The following CDH4 variants were observed in gnomAD, a reference collection of about 807,000 sequenced individuals.
CDH4 encodes the protein cadherin-4.
A neutral mutation model predicts 86.0 loss-of-function variants in CDH4; 33 were observed. The observed-to-expected ratio is 0.38, with a 90% CI of 0.29 to 0.51. The LOEUF (loss-of-function observed/expected upper bound fraction) is 0.51, where lower values mean the gene tolerates loss of function less well. Among genes scored for constraint, CDH4 ranks in the 20% least tolerant of loss-of-function variants. The pLI, the probability that CDH4 is intolerant of heterozygous loss-of-function variation, is 0.86. For missense variants in CDH4, 1,114 were observed against 1,307.4 expected (o/e 0.85, Z 2.28); for synonymous variants, 555 against 549.4 (o/e 1.01, Z -0.14).
intron 2 of CDH4, chr20:61,437,568 C>T (rs548553746): frequency 6.6e-6 from 1 of 152,172 alleles, no homozygotes; most frequent in East Asian, 1.9e-4. Context: ...CAGCACACAC[C>T]GCCCTCTCAG....
intron 3 of CDH4, among the ~76,000 whole-genome samples, chr20:61,758,278 G>C (rs1367472322): frequency 1.3e-5 from 2 of 152,190 alleles, no homozygotes; most frequent in Non-Finnish European, 2.9e-5. Flanking sequence ...GAGTGTTCCA[G>C]ACAGAGGGAA....
intron 2 of CDH4, among the ~76,000 whole-genome samples, chr20:61,466,918 C>T (rs754563244): frequency 2.0e-5 from 3 of 152,018 alleles, no homozygotes; most frequent in Non-Finnish European, 2.9e-5. Context: ...GTGGGGGCAA[C>T]CAAACTGTAA....
At position 61,792,896 on chromosome 20, in the gene CDH4, G is replaced by A. The variant is rs181909350; in HGVS notation, c.576+19714G>A. 5.7e-3 allele frequency among the ~76,000 whole-genome samples: 875 copies of A among 152,196 alleles called. 7 individuals are homozygous for A. The highest frequency in any genetic ancestry group is 0.02 in the African/African-American group (821 of 41,500). ...GAACTCCCGACCTTGTGATCCACCC[G>A]CCTCGGCCTCCCAAAGTGCTGGGAT... On this transcript the variant is annotated intron_variant, in intron 4 of 15. Coordinates refer to ENST00000614565, the MANE Select transcript of CDH4 (RefSeq NM_001794.5).
chr20:61,730,697 G>T (rs955494756), intron 2 of CDH4, among the ~76,000 whole-genome samples: 1 of 152,210 alleles, frequency 6.6e-6, no homozygotes, highest in Non-Finnish European at 1.5e-5. Flanking sequence ...TTGGAGCCAG[G>T]GTGAAGCCAG....
intron 2 of CDH4, among the ~76,000 whole-genome samples, chr20:61,584,044 C>T (rs571368676): frequency 1.1e-4 from 16 of 152,194 alleles, no homozygotes; most frequent in Non-Finnish European, 2.2e-4. Context: ...CCTGTAGTCT[C>T]AGCTACTTAG....
intron 2 of CDH4, among the ~76,000 whole-genome samples, chr20:61,573,471 G>A (rs1347105957): frequency 6.6e-6 from 1 of 152,242 alleles, no homozygotes; most frequent in Admixed American, 6.5e-5. Context: ...CCACCTGCCA[G>A]GGTGGCATCC....
chr20:61,857,173 C>T (rs1044639417), intron 6 of CDH4, among the ~76,000 whole-genome samples: 3 of 152,272 alleles, frequency 2.0e-5, no homozygotes, highest in Admixed American at 1.3e-4. Context: ...CTGTGGCACA[C>T]AACCGGGGGA....
chr20:61,836,024 C>T (rs2146088402), intron 4 of CDH4, among the ~76,000 whole-genome samples: 1 of 152,358 alleles, frequency 6.6e-6, no homozygotes, highest in Middle Eastern at 3.4e-3. Context: ...TCCCAGGGCT[C>T]TGGGTCTTGA....
At chr20:61,858,369 CTG>C (rs1247214510) in intron 6 of CDH4, among the ~76,000 whole-genome samples, 1 of 146,338 alleles carries the variant, frequency 6.8e-6, no homozygotes, top group South Asian at 2.2e-4. Flanking sequence ...GTGCGTGTCT[CTG>C]TGTCTGTATG....
chr20:61,358,188 C>G (rs2084763305), intron 2 of CDH4, among the ~76,000 whole-genome samples: 1 of 152,196 alleles, frequency 6.6e-6, no homozygotes, highest in Non-Finnish European at 1.5e-5. Flanking sequence ...ACAGAAACCT[C>G]GAAACCCCTC....
chr20:61,870,832 G>A (rs997266910), intron 6 of CDH4, among the ~76,000 whole-genome samples: 1 of 152,186 alleles, frequency 6.6e-6, no homozygotes, highest in African/African-American at 2.4e-5. Flanking sequence ...CTGGCTTGAT[G>A]AAGGCTGAAC....
At chr20:61,427,573 C>G (rs1350562980) in intron 2 of CDH4, among the ~76,000 whole-genome samples, 2 of 151,902 alleles carry the variant, frequency 1.3e-5, no homozygotes, top group Non-Finnish European at 2.9e-5. Context: ...CACTGTCTAC[C>G]TCCTGACATA....
chr20:61,484,504 T>C (rs2085585223), intron 2 of CDH4, among the ~76,000 whole-genome samples: 1 of 152,200 alleles, frequency 6.6e-6, no homozygotes, highest in South Asian at 2.1e-4. Context: ...TTTGCCACCT[T>C]GGATGCTGAG....
At chr20:61,639,638 G>A (rs2086984821) in intron 2 of CDH4, among the ~76,000 whole-genome samples, 1 of 152,208 alleles carries the variant, frequency 6.6e-6, no homozygotes, top group Admixed American at 6.5e-5. Flanking sequence ...GTGCTTGCCT[G>A]CACACGGGCC....
chr20:61,588,954 AAC>A (rs1174732347), intron 2 of CDH4, among the ~76,000 whole-genome samples: 2 of 152,148 alleles, frequency 1.3e-5, no homozygotes, highest in African/African-American at 4.8e-5. Context: ...TGTTCGTAAA[AAC>A]ACACGCGGAG....
At chr20:61,759,040 C>T (rs1180224640) in intron 3 of CDH4, among the ~76,000 whole-genome samples, 2 of 152,146 alleles carry the variant, frequency 1.3e-5, no homozygotes, top group Admixed American at 6.5e-5. Flanking sequence ...TGTGTGCGTT[C>T]GCACATGGGA....
intron 15 of CDH4, among the ~76,000 whole-genome samples, chr20:61,936,462 A>C: frequency 9.7e-6 from 1 of 103,028 alleles, no homozygotes; most frequent in South Asian, 3.6e-4. Flanking sequence ...GCTGAACTCC[A>C]GCCACGGGCC....
intron 2 of CDH4, among the ~76,000 whole-genome samples, chr20:61,685,642 G>A (rs1415296166): frequency 2.0e-5 from 3 of 152,156 alleles, no homozygotes; most frequent in Admixed American, 6.5e-5. Flanking sequence ...TCTGTGTCTC[G>A]GGCTTTGACT....
At chr20:61,873,330 C>T (rs1983884011) in intron 6 of CDH4, among the ~76,000 whole-genome samples, 1 of 152,352 alleles carries the variant, frequency 6.6e-6, no homozygotes, top group South Asian at 2.1e-4. Context: ...TAAGCCCAAC[C>T]ACACTGGGCT....
Sources: gnomAD v4.1 joint callset for allele counts (sites outside exome capture counted in the v4.1 genomes callset) on GRCh38, gnomAD v4.1.1 for gene constraint, MANE v1.5 for transcripts, NCBI Gene and HGNC (gene_info 2026-07-23, HGNC 2026-07-21) for gene names.